Variants in PABPC4 observed in about 807,000 individuals in gnomAD.
PABPC4 encodes poly(A) binding protein cytoplasmic 4.
A neutral mutation model predicts 74.5 loss-of-function variants in PABPC4; 15 were observed. That is an observed-to-expected ratio of 0.20 (90% CI 0.13 to 0.31). The LOEUF (loss-of-function observed/expected upper bound fraction) is 0.31, where lower values mean the gene tolerates loss of function less well. Among genes scored for constraint, PABPC4 ranks in the 10% least tolerant of loss-of-function variants. PABPC4 has a pLI of 1.00. For synonymous variants in PABPC4, 345 were observed against 303.0 expected, an observed-to-expected ratio of 1.14 and a Z score of -1.44; for missense variants, 610 against 853.5, an observed-to-expected ratio of 0.71 and a Z score of 3.55.
intron 2 of PABPC4, among the ~76,000 whole-genome samples, chr1:39,571,985 A>T (rs1399448764): frequency 6.6e-6 from 1 of 152,268 alleles, no homozygotes; most frequent in Non-Finnish European, 1.5e-5. Flanking sequence ...TATGGCATTA[A>T]ACATATACAC....
chr1:39,561,628 G>T, intron 15 of PABPC4, 57 bp downstream of exon 15: 1 of 1,231,320 alleles, frequency 8.1e-7, no homozygotes, highest in South Asian at 1.2e-5. Context: ...AAACCACAAA[G>T]ACAATGCTCA....
At chr1:39,575,359 T>C (rs1188192789) in intron 1 of PABPC4, among the ~76,000 whole-genome samples, 1 of 152,216 alleles carries the variant, frequency 6.6e-6, no homozygotes, top group East Asian at 1.9e-4. Flanking sequence ...TGTAAAACTT[T>C]CGCGGGGAAT....
Position 39,570,019 on chromosome 1 carries a change from A to C in PABPC4, c.504-17T>G. ...CCCACAAATCTAAAATGAAACCATG[A>C]AGAACAGTAATTACCCAGAGGAATA... is the stretch of plus-strand genomic sequence containing the variant. On this transcript the variant is annotated splice_polypyrimidine_tract_variant and intron_variant, in intron 3 of 15. Coordinates refer to ENST00000372858, the MANE Select transcript of PABPC4 (RefSeq NM_001135653.2). 2 of 1,612,244 alleles carry C rather than the reference A, an allele frequency of 1.2e-6. No individual in the cohort carries two copies. Among genetic ancestry groups the C allele is most frequent in the East Asian group, 4.5e-5 (2 of 44,888 alleles).
intron 8 of PABPC4, 27 bp from the exon 9 acceptor site, chr1:39,564,800 C>T (rs754711627): frequency 6.4e-7 from 1 of 1,560,712 alleles, no homozygotes; most frequent in South Asian, 1.1e-5. Context: ...TACCCAAACA[C>T]CCCCTTAAGG....
intron 5 of PABPC4, 62 bp from the exon 6 acceptor site, chr1:39,569,001 C>G: frequency 1.3e-6 from 2 of 1,529,858 alleles, no homozygotes; most frequent in South Asian, 1.2e-5. Flanking sequence ...TTCTGGAGGT[C>G]TAAGTCCCAA....
At chr1:39,575,114 G>A (rs994421716) in intron 1 of PABPC4, among the ~76,000 whole-genome samples, 4 of 152,202 alleles carry the variant, frequency 2.6e-5, no homozygotes, top group Non-Finnish European at 5.9e-5. Flanking sequence ...CTACAGCACA[G>A]AGCCTGGATA....
At chr1:39,562,246 T>C in intron 13 of PABPC4, 43 bp from the exon 14 acceptor site, 1 of 1,613,298 alleles carries the variant, frequency 6.2e-7, no homozygotes, top group Non-Finnish European at 8.5e-7. Flanking sequence ...CAAATCCCAG[T>C]AAACAATGGA....
At chr1:39,564,962 C>A in intron 8 of PABPC4, 144 bp downstream of exon 8, 1 of 975,136 alleles carries the variant, frequency 1.0e-6, no homozygotes, top group Non-Finnish European at 1.5e-6. Flanking sequence ...TGTTTGTGAC[C>A]ATGGGTAAGT....
At chr1:39,569,819 TG>T in intron 4 of PABPC4, 43 bp downstream of exon 4, 1 of 1,604,380 alleles carries the variant, frequency 6.2e-7, no homozygotes, top group Non-Finnish European at 8.5e-7. Flanking sequence ...AAAAAACAGA[TG>T]GGTCTGGTAG....
intron 7 of PABPC4, 31 bp downstream of exon 7, chr1:39,567,720 T>C (rs776649042): frequency 2.8e-6 from 3 of 1,055,858 alleles, no homozygotes; most frequent in Non-Finnish European, 4.5e-6. Flanking sequence ...GGAATACCAC[T>C]GCTTTCAATC....
chr1:39,566,576 G>T (rs1645846765), intron 7 of PABPC4, among the ~76,000 whole-genome samples: 1 of 152,212 alleles, frequency 6.6e-6, no homozygotes, highest in South Asian at 2.1e-4. Flanking sequence ...ATTGTTTTAT[G>T]TCTTAGTTAA....
Position 39,576,572 on chromosome 1 carries a change from A to G in PABPC4, c.-621T>C, listed in dbSNP as rs1646029896. ...CTCACCCCCGGACCGACGGACGGAGACCGACGGACGCCAAGCGCTGCGGCG... is the reference window on the plus strand; with the variant it reads ...CTCACCCCCGGACCGACGGACGGAGGCCGACGGACGCCAAGCGCTGCGGCG... On this transcript the variant is annotated 5_prime_UTR_variant, in exon 1 of 16. Coordinates refer to ENST00000372858, the MANE Select transcript of PABPC4 (RefSeq NM_001135653.2). The G allele has an allele frequency of 6.7e-6, 1 of 148,954 alleles. No individual in the cohort carries two copies. The highest frequency in any genetic ancestry group is 1.5e-5 in the Non-Finnish European group (1 of 66,878). 9.2% of individuals were successfully genotyped at this position (148,954 alleles called of 1,614,324 possible).
intron 7 of PABPC4, chr1:39,567,386 G>A (rs1476002499): frequency 3.8e-6 from 2 of 523,810 alleles, no homozygotes; most frequent in Non-Finnish European, 7.6e-6. Flanking sequence ...ATGTGGCAGA[G>A]CTGTAGAGAC....
intron 7 of PABPC4, among the ~76,000 whole-genome samples, chr1:39,566,555 G>C (rs1645846115): frequency 6.6e-6 from 1 of 152,114 alleles, no homozygotes; most frequent in South Asian, 2.1e-4. Context: ...GTCTTCTCTG[G>C]TGTGACTGTC....
intron 12 of PABPC4, 85 bp downstream of exon 12, chr1:39,563,529 G>A (rs967946588): frequency 1.3e-6 from 2 of 1,503,700 alleles, no homozygotes; most frequent in East Asian, 2.3e-5. Flanking sequence ...TTTAATACCT[G>A]TTGAAGGAAT....
At position 39,564,754 on chromosome 1, in the gene PABPC4, T is replaced by TATGGAG; in HGVS notation, c.1259_1264dup (p.Pro421_Tyr422insSerPro). On this transcript the variant is annotated inframe_insertion, in exon 9 of 16. Coordinates refer to ENST00000372858, the MANE Select transcript of PABPC4 (RefSeq NM_001135653.2). ...CTGTGCTAACTGGTTAGGTGTATAA[T>TATGGAG]ATGGAGGCCTTCCCTGAGCCTGTAA... The TATGGAG allele has an allele frequency of 6.2e-7, 1 of 1,613,930 alleles. No homozygotes were observed. Among genetic ancestry groups the TATGGAG allele is most frequent in the Non-Finnish European group, 8.5e-7 (1 of 1,179,834 alleles).
chr1:39,572,321 C>A, intron 2 of PABPC4, 72 bp downstream of exon 2: 3 of 1,150,414 alleles, frequency 2.6e-6, no homozygotes, highest in Non-Finnish European at 3.8e-6. Context: ...CAAGATAGTT[C>A]TCTGTTTGGT....
chr1:39,574,056 G>C (rs1248293571), intron 1 of PABPC4, among the ~76,000 whole-genome samples: 2 of 152,114 alleles, frequency 1.3e-5, no homozygotes, highest in African/African-American at 4.8e-5. Context: ...CACTTAAAGG[G>C]GGGACAAAAT....
At position 39,564,441 on chromosome 1, in the gene PABPC4, T is replaced by C. The variant is rs1165857842; in HGVS notation, c.1435A>G (p.Thr479Ala). 2 of 1,613,990 alleles carry C rather than the reference T, an allele frequency of 1.2e-6. No individual in the cohort carries two copies. Among genetic ancestry groups the C allele is most frequent in the South Asian group, 1.1e-5 (1 of 91,076 alleles). Reference protein sequence around the residue: ...GNAPASRGLPTTTQRVGSECP... With the variant: ...GNAPASRGLPATTQRVGSECP... Reference sequence around the variant, plus strand: ...TGCTCACCGACTCTCTGAGTGGTAGTAGGGAGGCCACGAGAGGCCGGAGCA... The same window carrying C: ...TGCTCACCGACTCTCTGAGTGGTAGCAGGGAGGCCACGAGAGGCCGGAGCA... The change falls in exon 10 of 16, where the codon ACT becomes GCT. Residue 479 changes from threonine to alanine, a missense_variant. Physicochemically the swap from Thr to Ala is moderately conservative, Grantham distance 58. Around this residue, in one of 4 missense-constraint regions of PABPC4, gnomAD observed 277 missense variants for 301.8 expected, o/e 0.92. Transcript: ENST00000372858.
Sources: allele counts gnomAD v4.1 joint callset (sites outside exome capture counted in the v4.1 genomes callset), GRCh38; gene constraint gnomAD v4.1.1; regional missense constraint gnomAD v4.1.1; transcripts MANE v1.5; gene names NCBI Gene and HGNC (gene_info 2026-07-23, HGNC 2026-07-21).